FSTL5: variants seen among roughly 807,000 people sequenced by gnomAD.
FSTL5 encodes follistatin like 5, also known as follistatin-related protein 5.
Under a neutral mutation model 89.1 loss-of-function variants are expected in FSTL5, and 62 were observed. The observed-to-expected ratio is 0.70, with a 90% CI of 0.57 to 0.86. FSTL5 has a LOEUF of 0.86. Ranked by LOEUF, FSTL5 falls within the 40% of genes least tolerant of loss-of-function variation. FSTL5 has a pLI of 0.00. For missense variants in FSTL5, 1,057 were observed against 1,001.6 expected (o/e 1.06, Z -0.75); for synonymous variants, 383 against 346.2 (o/e 1.11, Z -1.18).
At chr4:161,822,586 C>T (rs2126852198) in intron 4 of FSTL5, among the ~76,000 whole-genome samples, 1 of 152,332 alleles carries the variant, frequency 6.6e-6, no homozygotes, top group South Asian at 2.1e-4. Flanking sequence ...ATACCATGAA[C>T]TGCAGAGCTG....
intron 13 of FSTL5, among the ~76,000 whole-genome samples, chr4:161,462,669 G>A (rs375857838): frequency 3.3e-5 from 5 of 152,092 alleles, no homozygotes; most frequent in Middle Eastern, 6.8e-3. Flanking sequence ...AGTACTTAGC[G>A]TGTGCCTGGT....
At chr4:161,861,113 CT>C (rs900777480) in intron 4 of FSTL5, among the ~76,000 whole-genome samples, 3 of 151,940 alleles carry the variant, frequency 2.0e-5, no homozygotes, top group Non-Finnish European at 4.4e-5. Flanking sequence ...GTATTATATC[CT>C]TTTTTCTTGT....
intron 8 of FSTL5, among the ~76,000 whole-genome samples, chr4:161,554,524 G>T (rs1165978961): frequency 6.6e-6 from 1 of 151,540 alleles, no homozygotes; most frequent in Non-Finnish European, 1.5e-5. Context: ...GGCTGTTTTG[G>T]AAGCCTGAAT....
intron 2 of FSTL5, among the ~76,000 whole-genome samples, chr4:162,066,648 G>A (rs1407032238): frequency 3.4e-5 from 4 of 116,744 alleles, no homozygotes; most frequent in African/African-American, 1.3e-4. Context: ...GTGTTCTATT[G>A]TTCAACTTCC....
At chr4:162,080,069 A>T (rs116206512) in intron 2 of FSTL5, among the ~76,000 whole-genome samples, 46 of 151,630 alleles carry the variant, frequency 3.0e-4, no homozygotes, top group African/African-American at 1.1e-3. Context: ...CCCCAGAATG[A>T]TATTTTTTGT....
intron 4 of FSTL5, among the ~76,000 whole-genome samples, chr4:161,903,503 A>G (rs915604902): frequency 2.0e-5 from 3 of 151,916 alleles, no homozygotes; most frequent in African/African-American, 7.2e-5. Flanking sequence ...AAATATCATT[A>G]TTATAATTAT....
intron 3 of FSTL5, among the ~76,000 whole-genome samples, chr4:162,010,445 T>A (rs1736727289): frequency 6.6e-6 from 1 of 152,142 alleles, no homozygotes; most frequent in South Asian, 2.1e-4. Context: ...ATGATGAACA[T>A]GTAAGAAATA....
chr4:161,874,703 C>T (rs182552654), intron 4 of FSTL5, among the ~76,000 whole-genome samples: 16 of 151,480 alleles, frequency 1.1e-4, no homozygotes, highest in African/African-American at 3.9e-4. Context: ...TTTTCGGCTG[C>T]GTTTAAACTG....
At chr4:162,134,602 A>G (rs187936292) in intron 1 of FSTL5, among the ~76,000 whole-genome samples, 2 of 152,340 alleles carry the variant, frequency 1.3e-5, no homozygotes, top group Non-Finnish European at 2.9e-5. Context: ...AAAATTAACA[A>G]TTTAACCCTT....
At chr4:161,758,497 T>C (rs1327773010) in intron 6 of FSTL5, among the ~76,000 whole-genome samples, 1 of 152,144 alleles carries the variant, frequency 6.6e-6, no homozygotes, top group Middle Eastern at 3.2e-3. Flanking sequence ...TTCTTAGTCC[T>C]TTCTCTTTCA....
chr4:161,724,531 C>T (rs1739325377), intron 6 of FSTL5, among the ~76,000 whole-genome samples: 2 of 152,112 alleles, frequency 1.3e-5, no homozygotes, highest in South Asian at 4.1e-4. Flanking sequence ...ATTCTAAAGA[C>T]TTCTTCTGGA....
intron 4 of FSTL5, among the ~76,000 whole-genome samples, chr4:161,797,307 A>G (rs544326023): frequency 6.6e-6 from 1 of 151,758 alleles, no homozygotes; most frequent in East Asian, 1.9e-4. Flanking sequence ...TGGTACAGAA[A>G]GAATATTGAA....
At chr4:162,151,259 A>G (rs1429822056) in intron 1 of FSTL5, among the ~76,000 whole-genome samples, 4 of 152,194 alleles carry the variant, frequency 2.6e-5, no homozygotes, top group African/African-American at 4.8e-5. Flanking sequence ...ATGTTTAAAA[A>G]TCATGTAGCA....
At chr4:161,822,248 G>A (rs1468559993) in intron 4 of FSTL5, among the ~76,000 whole-genome samples, 1 of 152,192 alleles carries the variant, frequency 6.6e-6, no homozygotes, top group Non-Finnish European at 1.5e-5. Context: ...AGAAACCTCT[G>A]TGGATGGTGG....
intron 15 of FSTL5, among the ~76,000 whole-genome samples, chr4:161,427,813 A>G (rs551712693): frequency 6.6e-6 from 1 of 152,338 alleles, no homozygotes; most frequent in South Asian, 2.1e-4. Context: ...GAAGTTGAGG[A>G]GGAAGAGTGA....
rs539033885 is a variant in FSTL5 at position 161,617,912 on chromosome 4, G to A, written c.895-30337C>T. 3.7e-3 allele frequency among the ~76,000 whole-genome samples: 556 copies of A among 152,244 alleles called. 7 individuals are homozygous for A. The highest frequency in any genetic ancestry group is 0.013 in the African/African-American group (532 of 41,546). On this transcript the variant is annotated intron_variant, in intron 7 of 15. Coordinates refer to ENST00000306100, the MANE Select transcript of FSTL5 (RefSeq NM_020116.5). ...GCACTGAATCTATAAATTACCTTGG[G>A]CAGTATGGTCATTTTCACGATATTG... is the stretch of plus-strand genomic sequence containing the variant.
At chr4:161,566,734 G>A (rs914636810) in intron 8 of FSTL5, among the ~76,000 whole-genome samples, 5 of 151,894 alleles carry the variant, frequency 3.3e-5, no homozygotes, top group African/African-American at 1.2e-4. Context: ...CGTATCTCAT[G>A]GAGGGAAGGA....
At position 161,638,956 on chromosome 4, in the gene FSTL5, T is replaced by C. The variant is rs112373726; in HGVS notation, c.894+17372A>G. Among the ~76,000 whole-genome samples the C allele has an allele frequency of 4.9e-3, 716 of 145,368 alleles. 2 individuals are homozygous for C. Among genetic ancestry groups the C allele is most frequent in the Non-Finnish European group, 8.2e-3 (547 of 66,618 alleles). Reference sequence around the variant, plus strand: ...TTTGACAAAATTCAACAACCCTTCATGCTAAAAACTCTCAATAAATTAGGT... The same window carrying C: ...TTTGACAAAATTCAACAACCCTTCACGCTAAAAACTCTCAATAAATTAGGT... On this transcript the variant is annotated intron_variant, in intron 7 of 15. Coordinates refer to ENST00000306100, the MANE Select transcript of FSTL5 (RefSeq NM_020116.5).
rs180721781 is a variant in FSTL5 at position 162,036,048 on chromosome 4, A to G, written c.127-2390T>C. ...TCCTTTACTGCTTCCTCTTTTCCTA[A>G]GCACTAGTGTCCTAGGCATTGAGGT... On this transcript the variant is annotated intron_variant, in intron 2 of 15. Transcript: ENST00000306100. Among the ~76,000 whole-genome samples the G allele has an allele frequency of 1.6e-3, 250 of 152,118 alleles. 2 individuals carry two copies. In the Middle Eastern group the frequency reaches 0.024, roughly 14 times the overall value.
Sources: gnomAD v4.1 joint callset for allele counts (sites outside exome capture counted in the v4.1 genomes callset) on GRCh38, gnomAD v4.1.1 for gene constraint, MANE v1.5 for transcripts, NCBI Gene and HGNC (gene_info 2026-07-23, HGNC 2026-07-21) for gene names.